RARB: variants seen among roughly 807,000 people sequenced by gnomAD.
The protein encoded by RARB is HBV-activated protein.
In RARB, 17 loss-of-function variants were observed where a neutral mutation model predicts 51.9. The ratio of observed to expected loss-of-function variants is 0.33; its 90% CI spans 0.22 to 0.49. The LOEUF (loss-of-function observed/expected upper bound fraction) is 0.49, where lower values mean the gene tolerates loss of function less well. Ranked by LOEUF, RARB falls within the 20% of genes least tolerant of loss-of-function variation. RARB has a pLI of 0.99. For synonymous variants in RARB, 215 were observed against 195.4 expected, an observed-to-expected ratio of 1.10 and a Z score of -0.84; for missense variants, 369 against 550.8, an observed-to-expected ratio of 0.67 and a Z score of 3.30.
chr3:24,959,067 G>A (rs1034544955), intron 2 of RARB, among the ~76,000 whole-genome samples: 1 of 152,176 alleles, frequency 6.6e-6, no homozygotes, highest in Non-Finnish European at 1.5e-5. Context: ...AATCCCTGAA[G>A]CCCCAGAGGG....
At chr3:25,245,402 T>C (rs1285856076) in intron 5 of RARB, among the ~76,000 whole-genome samples, 1 of 152,226 alleles carries the variant, frequency 6.6e-6, no homozygotes, top group African/African-American at 2.4e-5. Flanking sequence ...ATAGTGTTGA[T>C]GGCCTTTACA....
chr3:25,336,718 A>T (rs542660148), intron 5 of RARB, among the ~76,000 whole-genome samples: 244 of 152,304 alleles, frequency 1.6e-3, no homozygotes, highest in Non-Finnish European at 2.3e-3. Context: ...CCACTGAACT[A>T]ATCCTAGGTT....
At chr3:25,162,779 A>G (rs1047661507) in intron 4 of RARB, among the ~76,000 whole-genome samples, 1 of 152,232 alleles carries the variant, frequency 6.6e-6, no homozygotes, top group African/African-American at 2.4e-5. Context: ...ATGGTCAATC[A>G]ATATAATTTT....
chr3:25,505,716 T>G (rs1697549223), intron 3 of RARB, among the ~76,000 whole-genome samples: 1 of 151,942 alleles, frequency 6.6e-6, no homozygotes, highest in Non-Finnish European at 1.5e-5. Context: ...GGTGGTACAA[T>G]AGTTTATGAA....
intron 2 of RARB, among the ~76,000 whole-genome samples, chr3:24,953,567 C>A (rs1016776304): frequency 6.6e-6 from 1 of 152,260 alleles, no homozygotes; most frequent in Non-Finnish European, 1.5e-5. Context: ...AAAACACCTA[C>A]CTGCAATGGT....
chr3:24,962,328 C>T (rs914076466), intron 2 of RARB, among the ~76,000 whole-genome samples: 2 of 152,138 alleles, frequency 1.3e-5, no homozygotes, highest in South Asian at 2.1e-4. Flanking sequence ...TTGCTGCGGG[C>T]TGTCCCATGC....
intron 5 of RARB, among the ~76,000 whole-genome samples, chr3:25,344,983 A>G (rs1705345303): frequency 6.6e-6 from 1 of 152,126 alleles, no homozygotes; most frequent in Non-Finnish European, 1.5e-5. Context: ...GGTCTTAAGC[A>G]TTTTCTTTTT....
At chr3:24,900,754 A>G (rs1703587098) in intron 2 of RARB, among the ~76,000 whole-genome samples, 1 of 152,210 alleles carries the variant, frequency 6.6e-6, no homozygotes. Context: ...GTTGCTAAGC[A>G]TGTCTAATTT....
At chr3:25,279,855 G>A (rs1703479852) in intron 5 of RARB, among the ~76,000 whole-genome samples, 1 of 152,104 alleles carries the variant, frequency 6.6e-6, no homozygotes, top group African/African-American at 2.4e-5. Context: ...TGTGTCAGTG[G>A]TACTTTAGGA....
At chr3:25,440,790 TAAAAAA>T (rs903295960) in intron 1 of RARB, among the ~76,000 whole-genome samples, 5 of 151,266 alleles carry the variant, frequency 3.3e-5, no homozygotes, top group African/African-American at 1.2e-4. Context: ...AATAAAAAAT[TAAAAAA>T]AAATCCAAAT....
chr3:25,024,427 A>G (rs1424455138), intron 2 of RARB, among the ~76,000 whole-genome samples: 2 of 152,228 alleles, frequency 1.3e-5, no homozygotes, highest in Non-Finnish European at 1.5e-5. Flanking sequence ...ATAAACTGAC[A>G]TGATTAAAAT....
chr3:25,294,428 C>A (rs930399479), intron 5 of RARB, among the ~76,000 whole-genome samples: 2 of 152,178 alleles, frequency 1.3e-5, no homozygotes, highest in African/African-American at 4.8e-5. Context: ...CCAGCTATTT[C>A]TAGCAGAAGG....
chr3:25,378,198 G>T (rs766233176), intron 5 of RARB, among the ~76,000 whole-genome samples: 7 of 152,130 alleles, frequency 4.6e-5, no homozygotes, highest in Admixed American at 4.6e-4. Flanking sequence ...ATGCATGCAC[G>T]AGGGTATTTT....
At chr3:25,175,366 A>G (rs1437032653) in intron 5 of RARB, among the ~76,000 whole-genome samples, 2 of 152,208 alleles carry the variant, frequency 1.3e-5, no homozygotes, top group Admixed American at 6.5e-5. Flanking sequence ...CATCCACAGC[A>G]TGTTCTCCAA....
chr3:24,942,923 A>G (rs1328091352), intron 2 of RARB, among the ~76,000 whole-genome samples: 1 of 152,208 alleles, frequency 6.6e-6, no homozygotes, highest in Non-Finnish European at 1.5e-5. Context: ...AAAAGTATTA[A>G]TAAAAATGTA....
intron 5 of RARB, among the ~76,000 whole-genome samples, chr3:25,377,283 C>G (rs1202382555): frequency 6.6e-6 from 1 of 152,082 alleles, no homozygotes; most frequent in Non-Finnish European, 1.5e-5. Flanking sequence ...GAATACCAAC[C>G]CATATTGAAA....
chr3:25,115,952 T>G (rs897303403), intron 3 of RARB, among the ~76,000 whole-genome samples: 1 of 152,138 alleles, frequency 6.6e-6, no homozygotes, highest in Non-Finnish European at 1.5e-5. Flanking sequence ...TTTTTGAAGA[T>G]AATCTTCATT....
rs115485629 is a variant in RARB, at chr3:25,061,348, C to G, written c.-328+1172C>G. 7.9e-3 allele frequency among the ~76,000 whole-genome samples: 1,207 copies of G among 151,928 alleles called. 16 individuals are homozygous for G. The highest frequency in any genetic ancestry group is 0.028 in the African/African-American group (1,159 of 41,530). ...AAGGAATTGATGTGATGCTGCTTAA[C>G]TATAAATTTCTTTTATTATAATCAT... is the stretch of plus-strand genomic sequence containing the variant. On this transcript the variant is annotated intron_variant, in intron 3 of 11. Coordinates refer to the RARB transcript ENST00000383772.
chr3:25,556,820 A>G (rs933424430), intron 3 of RARB, among the ~76,000 whole-genome samples: 5 of 152,204 alleles, frequency 3.3e-5, no homozygotes, highest in African/African-American at 1.2e-4. Flanking sequence ...GGGAGATGCA[A>G]GAGAAGTCTG....
Sources: gnomAD v4.1 joint callset for allele counts (sites outside exome capture counted in the v4.1 genomes callset) on GRCh38, gnomAD v4.1.1 for gene constraint, MANE v1.5 for transcripts, NCBI Gene and HGNC (gene_info 2026-07-23, HGNC 2026-07-21) for gene names.